Variants in TTLL5 observed in about 807,000 individuals in gnomAD.
TTLL5 encodes tubulin tyrosine ligase like 5, also known as tubulin polyglutamylase TTLL5.
A neutral mutation model predicts 168.4 loss-of-function variants in TTLL5; 132 were observed. That is an observed-to-expected ratio of 0.78 (90% CI 0.68 to 0.91). TTLL5 has a LOEUF of 0.91. Among genes scored for constraint, TTLL5 ranks in the 40% least tolerant of loss-of-function variants. The probability of loss-of-function intolerance (pLI) is 0.00; values close to 1 mark genes in which losing one functional copy is unlikely to be tolerated. For synonymous variants in TTLL5, 546 were observed against 558.6 expected (o/e 0.98, Z 0.32); for missense variants, 1,545 against 1,581.5 (o/e 0.98, Z 0.39).
intron 7 of TTLL5, among the ~76,000 whole-genome samples, chr14:75,701,739 A>T (rs1594894024): frequency 6.6e-6 from 1 of 152,234 alleles, no homozygotes; most frequent in East Asian, 1.9e-4. Context: ...TTTGTTAATT[A>T]TCTGATTCTA....
intron 26 of TTLL5, among the ~76,000 whole-genome samples, chr14:75,789,816 G>A (rs1245676391): frequency 2.6e-5 from 4 of 152,018 alleles, no homozygotes; most frequent in East Asian, 1.9e-4. Flanking sequence ...TATTCAATAC[G>A]GTTCCAATCA....
rs114951796 is a variant in TTLL5, at chr14:75,943,370, G to A, written c.3824-11054G>A. On this transcript the variant is annotated intron_variant, in intron 31 of 31. Transcript: ENST00000298832. ...CCATATGTAAGTCAACTAGAAATAA[G>A]CCCTCCCTCTCGTCCACCCTTCAGT... is the stretch of plus-strand genomic sequence containing the variant. 7.1e-3 allele frequency among the ~76,000 whole-genome samples: 1,080 copies of A among 152,240 alleles called. 16 individuals are homozygous for A. Among genetic ancestry groups the A allele is most frequent in the South Asian group, 0.027 (129 of 4,820 alleles).
In TTLL5 at chr14:75,854,596, T is replaced by G. The variant is rs550043758; in HGVS notation, c.3327-9071T>G. On this transcript the variant is annotated intron_variant, in intron 28 of 31. Transcript: ENST00000298832. ...TTTATAAGAAACTGACCAGTAGTTT[T>G]CTGAAACGATTGCATCATTTTACAC... Among the ~76,000 whole-genome samples, 29 of 152,338 alleles carry G rather than the reference T, an allele frequency of 1.9e-4. No homozygotes were observed. In the South Asian group the frequency reaches 5.4e-3, roughly 28 times the overall value.
chr14:75,873,793 C>G (rs2031240586), intron 29 of TTLL5, among the ~76,000 whole-genome samples: 1 of 151,950 alleles, frequency 6.6e-6, no homozygotes, highest in Non-Finnish European at 1.5e-5. Flanking sequence ...GTACAAATAT[C>G]TCTTATGTAT....
intron 3 of TTLL5, among the ~76,000 whole-genome samples, chr14:75,671,802 T>G (rs1023140707): frequency 6.6e-6 from 1 of 152,340 alleles, no homozygotes; most frequent in East Asian, 1.9e-4. Context: ...TTTGTCTGCA[T>G]GTAATATGTT....
At chr14:75,844,820 C>T (rs541177802) in intron 28 of TTLL5, among the ~76,000 whole-genome samples, 26 of 152,278 alleles carry the variant, frequency 1.7e-4, no homozygotes, top group African/African-American at 5.8e-4. Flanking sequence ...ATCATAAGTG[C>T]ATGAATGATT....
At chr14:75,900,070 CT>C (rs2032854587) in intron 30 of TTLL5, among the ~76,000 whole-genome samples, 1 of 151,934 alleles carries the variant, frequency 6.6e-6, no homozygotes, top group Non-Finnish European at 1.5e-5. Context: ...AAGGAAAGAG[CT>C]TATCTTAGGC....
At chr14:75,820,306 A>T in intron 28 of TTLL5, 145 bp downstream of exon 28, 1 of 778,442 alleles carries the variant, frequency 1.3e-6, no homozygotes, top group Admixed American at 4.2e-5. Context: ...CTGGCACCTG[A>T]CTAAGAGAGC....
At chr14:75,782,445 A>T in intron 24 of TTLL5, 42 bp from the exon 25 acceptor site, 1 of 1,511,542 alleles carries the variant, frequency 6.6e-7, no homozygotes, top group East Asian at 2.3e-5. Context: ...CGGACTTGCA[A>T]TTGATTATAA....
At position 75,693,673 on chromosome 14, in the gene TTLL5, A is replaced by G. The variant is rs116527811; in HGVS notation, c.502+3351A>G. Among the ~76,000 whole-genome samples the G allele has an allele frequency of 8.4e-3, 1,278 of 152,352 alleles. 17 individuals are homozygous for G. The highest frequency in any genetic ancestry group is 0.029 in the African/African-American group (1,220 of 41,584). On this transcript the variant is annotated intron_variant, in intron 6 of 31. Coordinates refer to ENST00000298832, the MANE Select transcript of TTLL5 (RefSeq NM_015072.5). ...CTCCAGCCATTCCCCTCAAGGGGACAGCTTTCTAAGCAGAAGGAAGAAAGA... is the reference window on the plus strand; with the variant it reads ...CTCCAGCCATTCCCCTCAAGGGGACGGCTTTCTAAGCAGAAGGAAGAAAGA...
At chr14:75,923,537 T>G (rs921724301) in intron 31 of TTLL5, among the ~76,000 whole-genome samples, 7 of 152,256 alleles carry the variant, frequency 4.6e-5, no homozygotes, top group African/African-American at 1.7e-4. Flanking sequence ...AGTTTCTTCA[T>G]CTTGAGTTCT....
intron 3 of TTLL5, among the ~76,000 whole-genome samples, chr14:75,676,061 C>A (rs1484853239): frequency 6.6e-6 from 1 of 152,168 alleles, no homozygotes; most frequent in Non-Finnish European, 1.5e-5. Flanking sequence ...TGTCCCATCT[C>A]AACCAGTCAG....
intron 30 of TTLL5, among the ~76,000 whole-genome samples, chr14:75,896,960 G>A (rs1339099739): frequency 6.6e-6 from 1 of 152,112 alleles, no homozygotes; most frequent in Non-Finnish European, 1.5e-5. Flanking sequence ...CCAGCCAGTT[G>A]ATTGGCTTAT....
chr14:75,919,460 A>C (rs1022239556), intron 31 of TTLL5, among the ~76,000 whole-genome samples: 1 of 152,204 alleles, frequency 6.6e-6, no homozygotes, highest in African/African-American at 2.4e-5. Context: ...TTATATATCA[A>C]ATAGCCAATT....
rs1182757980 is a variant in TTLL5 at position 75,953,340 on chromosome 14, T to C, written c.3824-1084T>C. ...ATCACTTTGGAAAATAAGATGGCAT[T>C]AGAGAGTTGAAGATCCAAGTGTTTA... On this transcript the variant is annotated intron_variant, in intron 31 of 31. Coordinates refer to ENST00000298832, the MANE Select transcript of TTLL5 (RefSeq NM_015072.5). Among the ~76,000 whole-genome samples the C allele has an allele frequency of 4.6e-5, 7 of 152,132 alleles. No homozygotes were observed. In the South Asian group the frequency reaches 1.5e-3, roughly 32 times the overall value.
At chr14:75,805,712 A>G (rs1893614876) in intron 27 of TTLL5, among the ~76,000 whole-genome samples, 2 of 152,238 alleles carry the variant, frequency 1.3e-5, no homozygotes, top group African/African-American at 4.8e-5. Context: ...AGTCTTAAAC[A>G]TATTTAAAAC....
At chr14:75,911,017 CTTTTGTTTTTGT>C (rs892020283) in intron 31 of TTLL5, among the ~76,000 whole-genome samples, 2 of 151,776 alleles carry the variant, frequency 1.3e-5, no homozygotes, top group Admixed American at 6.6e-5. Context: ...TGGTTGGTTG[CTTTTGTTTTTGT>C]TTTTGTTTTT....
chr14:75,930,777 G>A (rs182988216), intron 31 of TTLL5: 7 of 384,648 alleles, frequency 1.8e-5, no homozygotes, highest in East Asian at 1.6e-4. Context: ...AACCTTAGCC[G>A]GACAATCCTA....
intron 7 of TTLL5, among the ~76,000 whole-genome samples, chr14:75,704,002 G>T (rs1469046659): frequency 6.6e-6 from 1 of 152,208 alleles, no homozygotes; most frequent in African/African-American, 2.4e-5. Context: ...CATATATTCT[G>T]TTAAGTTTGC....
Sources: allele counts gnomAD v4.1 joint callset (sites outside exome capture counted in the v4.1 genomes callset), GRCh38; gene constraint gnomAD v4.1.1; transcripts MANE v1.5; gene names NCBI Gene and HGNC (gene_info 2026-07-23, HGNC 2026-07-21).